The following OR9Q1 variants were observed in gnomAD, a reference collection of about 807,000 sequenced individuals.
OR9Q1 encodes the protein olfactory receptor 9Q1.
For missense variants in OR9Q1, 374 were observed against 378.8 expected (o/e 0.99, Z 0.11); for synonymous variants, 153 against 148.6 (o/e 1.03, Z -0.22).
intron 1 of OR9Q1, among the ~76,000 whole-genome samples, chr11:58,040,324 C>T (rs1317445192): frequency 1.3e-5 from 2 of 152,188 alleles, no homozygotes; most frequent in Non-Finnish European, 2.9e-5. Context: ...AAGTCTTAGT[C>T]TCATTTTACA....
At chr11:58,061,113 T>C (rs1351447497) in intron 2 of OR9Q1, among the ~76,000 whole-genome samples, 1 of 152,212 alleles carries the variant, frequency 6.6e-6, no homozygotes, top group East Asian at 1.9e-4. Flanking sequence ...ATCTTCTTCC[T>C]GCTTTCCTTC....
chr11:58,111,688 C>T (rs1590596206), intron 2 of OR9Q1, among the ~76,000 whole-genome samples: 1 of 152,146 alleles, frequency 6.6e-6, no homozygotes, highest in Non-Finnish European at 1.5e-5. Context: ...ATGGCTCATG[C>T]CTTCAGCCTG....
At chr11:58,109,618 AC>A (rs758906179) in intron 2 of OR9Q1, 74 of 457,028 alleles carry the variant, frequency 1.6e-4, no homozygotes, top group Middle Eastern at 1.6e-3. Context: ...TGTGAAGACT[AC>A]AAGAATGAAC....
At chr11:58,056,675 GA>G (rs921634205) in intron 2 of OR9Q1, among the ~76,000 whole-genome samples, 14 of 152,294 alleles carry the variant, frequency 9.2e-5, no homozygotes, top group African/African-American at 3.1e-4. Context: ...TTGAAAATCT[GA>G]AAACATTTAC....
At chr11:58,100,352 A>G (rs893233430) in intron 2 of OR9Q1, among the ~76,000 whole-genome samples, 1 of 152,118 alleles carries the variant, frequency 6.6e-6, no homozygotes, top group African/African-American at 2.4e-5. Context: ...ATTTTATACC[A>G]TTTCATGTTC....
At chr11:58,099,287 AATAAT>A (rs1853761209) in intron 2 of OR9Q1, among the ~76,000 whole-genome samples, 1 of 141,498 alleles carries the variant, frequency 7.1e-6, no homozygotes, top group South Asian at 2.4e-4. Flanking sequence ...TAATATATAA[AATAAT>A]ATAAAATATA....
At chr11:58,073,032 T>G in intron 2 of OR9Q1, 2 of 210,890 alleles carry the variant, frequency 9.5e-6, no homozygotes, top group South Asian at 1.9e-4. Context: ...CTTACCTGCC[T>G]TTCCTGAGCC....
In OR9Q1 at chr11:58,180,225, G is replaced by T; in HGVS notation, c.781G>T (p.Gly261Cys). The T allele has an allele frequency of 6.2e-7, 1 of 1,614,132 alleles. No homozygotes were observed. Among genetic ancestry groups the T allele is most frequent in the Non-Finnish European group, 8.5e-7 (1 of 1,180,010 alleles). The change falls in exon 3 of 3, where the codon GGT becomes TGT. Residue 261 changes from glycine to cysteine, a missense_variant. Transcript: ENST00000335397. ...FGTLIFMYLR[G>C]NSDQSSEKNR... ...TACCCTCATCTTCATGTACTTGAGA[G>T]GTAACTCAGATCAGTCTTCGGAGAA...
chr11:58,113,357 A>G (rs1486469575), intron 2 of OR9Q1, among the ~76,000 whole-genome samples: 1 of 152,190 alleles, frequency 6.6e-6, no homozygotes, highest in Non-Finnish European at 1.5e-5. Context: ...TTGGTGCCTC[A>G]GGAAAGGCAA....
In OR9Q1 at chr11:58,179,911, C is replaced by A. The variant is rs376251325; in HGVS notation, c.467C>A (p.Ala156Asp). 6.8e-6 allele frequency: 11 copies of A among 1,614,168 alleles called. No individual in the cohort carries two copies. The highest frequency in any genetic ancestry group is 1.7e-5 in the Admixed American group (1 of 60,020). Reference protein sequence around the residue: ...AGAYVAGLISALVRTVSAFTL... With the variant: ...AGAYVAGLISDLVRTVSAFTL... ...GCTTACGTTGCTGGTCTCATCAGTGCCTTGGTGCGGACAGTCTCAGCCTTC... is the reference window on the plus strand; with the variant it reads ...GCTTACGTTGCTGGTCTCATCAGTGACTTGGTGCGGACAGTCTCAGCCTTC... The change falls in exon 3 of 3, where the codon GCC becomes GAC. Residue 156 changes from alanine to aspartate, a missense_variant. Physicochemically the swap from Ala to Asp is moderately radical, Grantham distance 126 (BLOSUM62 -2). Transcript: ENST00000335397.
At chr11:58,123,010 A>G (rs73480794) in intron 2 of OR9Q1, among the ~76,000 whole-genome samples, 4,607 of 151,830 alleles carry the variant, frequency 0.03, 221 homozygotes, top group African/African-American at 0.1. Flanking sequence ...TGCTTATAAC[A>G]TATTTTACTT....
At chr11:58,060,809 A>G (rs1274135748) in intron 2 of OR9Q1, among the ~76,000 whole-genome samples, 2 of 148,388 alleles carry the variant, frequency 1.3e-5, no homozygotes, top group South Asian at 2.1e-4. Flanking sequence ...TTTTTTTTTG[A>G]TAGAGGAGGA....
At chr11:58,097,888 G>A (rs1853746654) in intron 2 of OR9Q1, among the ~76,000 whole-genome samples, 1 of 152,176 alleles carries the variant, frequency 6.6e-6, no homozygotes, top group Non-Finnish European at 1.5e-5. Context: ...GTGTAAAATT[G>A]TAAAAAATGC....
chr11:58,122,192 T>C (rs540358204), intron 2 of OR9Q1, among the ~76,000 whole-genome samples: 19 of 152,286 alleles, frequency 1.2e-4, no homozygotes, highest in African/African-American at 4.3e-4. Context: ...ATGGTAGCTG[T>C]TCTTGGGTCT....
intron 2 of OR9Q1, among the ~76,000 whole-genome samples, chr11:58,160,662 G>A (rs1451925133): frequency 6.6e-6 from 1 of 152,080 alleles, no homozygotes; most frequent in African/African-American, 2.4e-5. Flanking sequence ...GGTAGAGATG[G>A]GGTCTTGCTA....
At chr11:58,130,428 T>C (rs1200204148) in intron 2 of OR9Q1, among the ~76,000 whole-genome samples, 1 of 152,178 alleles carries the variant, frequency 6.6e-6, no homozygotes, top group African/African-American at 2.4e-5. Flanking sequence ...TTTCCCTTCC[T>C]ACACTGGAGT....
At chr11:58,147,933 G>T (rs899328732) in intron 2 of OR9Q1, among the ~76,000 whole-genome samples, 2 of 152,014 alleles carry the variant, frequency 1.3e-5, no homozygotes, top group African/African-American at 4.8e-5. Flanking sequence ...TTCTGGCATT[G>T]TTTTCTTTTT....
chr11:58,119,315 C>T, intron 2 of OR9Q1: 1 of 1,613,784 alleles, frequency 6.2e-7, no homozygotes, highest in Non-Finnish European at 8.5e-7. Context: ...ATAATCATCC[C>T]CACATTCCCA....
At chr11:58,133,006 G>A (rs575349395) in intron 2 of OR9Q1, among the ~76,000 whole-genome samples, 8 of 152,280 alleles carry the variant, frequency 5.3e-5, no homozygotes, top group Admixed American at 1.3e-4. Flanking sequence ...TGCTGAAGAT[G>A]TCTATTTATC....
Sources: gnomAD v4.1 joint callset for allele counts (sites outside exome capture counted in the v4.1 genomes callset) on GRCh38, gnomAD v4.1.1 for gene constraint, MANE v1.5 for transcripts, NCBI Gene and HGNC (gene_info 2026-07-23, HGNC 2026-07-21) for gene names.